ALDH7A1: variants seen among roughly 807,000 people sequenced by gnomAD.
ALDH7A1 encodes alpha-aminoadipic semialdehyde dehydrogenase.
In ALDH7A1, 63 loss-of-function variants were observed where a neutral mutation model predicts 79.9. That is an observed-to-expected ratio of 0.79 (90% CI 0.64 to 0.97). ALDH7A1 has a LOEUF of 0.97. Ranked by LOEUF, ALDH7A1 falls within the 50% of genes least tolerant of loss-of-function variation. ALDH7A1 has a pLI of 0.00. For missense variants in ALDH7A1, 627 were observed against 665.2 expected (o/e 0.94, Z 0.63); for synonymous variants, 240 against 231.2 (o/e 1.04, Z -0.34).
intron 3 of ALDH7A1, among the ~76,000 whole-genome samples, chr5:126,589,249 C>CGCT (rs1371705966): frequency 6.6e-6 from 1 of 152,048 alleles, no homozygotes; most frequent in Non-Finnish European, 1.5e-5. Context: ...GGTCGGCCTC[C>CGCT]CAGGTTCAAG....
chr5:126,554,592 A>T lies in ALDH7A1; in HGVS notation c.1094-199T>A, dbSNP rs1750118139. The T allele has an allele frequency of 2.8e-5, 17 of 607,162 alleles. No individual in the cohort carries two copies. The South Asian group carries it at 3.1e-4, about 11-fold the overall frequency. The allele number at this position is 607,162 out of a possible 1,614,324, so 37.6% of individuals were successfully genotyped here. On this transcript the variant is annotated intron_variant, in intron 12 of 17. Coordinates refer to ENST00000409134, the MANE Select transcript of ALDH7A1 (RefSeq NM_001182.5). ...GAGGACATACGTGATCTCCATCCCAATACTCAACTCCGTAATTGTAGTGCA... is the reference window on the plus strand; with the variant it reads ...GAGGACATACGTGATCTCCATCCCATTACTCAACTCCGTAATTGTAGTGCA...
At chr5:126,555,482 CAAA>C (rs762878623) in intron 12 of ALDH7A1, 303 of 75,126 alleles carry the variant, frequency 4.0e-3, no homozygotes, top group South Asian at 0.017. Flanking sequence ...AACTGTGTCT[CAAA>C]AAAAAAAAAA....
chr5:126,547,779 C>T (rs930529360), intron 16 of ALDH7A1, among the ~76,000 whole-genome samples: 8 of 152,236 alleles, frequency 5.3e-5, no homozygotes, highest in African/African-American at 7.2e-5. Flanking sequence ...CGGCCAGGTA[C>T]AGTGGCTCAC....
intron 13 of ALDH7A1, among the ~76,000 whole-genome samples, chr5:126,552,738 T>A (rs1025294467): frequency 6.7e-6 from 1 of 148,210 alleles, no homozygotes; most frequent in African/African-American, 2.5e-5. Context: ...TGTTTTTGAT[T>A]TTTTTTTTTT....
At chr5:126,548,684 CCCAAAG>C (rs1749881701) in intron 16 of ALDH7A1, among the ~76,000 whole-genome samples, 1 of 152,030 alleles carries the variant, frequency 6.6e-6, no homozygotes, top group African/African-American at 2.4e-5. Flanking sequence ...ACCTCTGCCT[CCCAAAG>C]TGCCAGGATT....
chr5:126,562,982 A>G lies in ALDH7A1; in HGVS notation c.872-1858T>C, dbSNP rs932275137. On this transcript the variant is annotated intron_variant, in intron 9 of 17. Coordinates refer to ENST00000409134, the MANE Select transcript of ALDH7A1 (RefSeq NM_001182.5). ...AAGGGTGGCTACCAAGGCTGGGTGTAGTGGGAAGGAGGGATTAGTGTTTAT... is the reference window on the plus strand; with the variant it reads ...AAGGGTGGCTACCAAGGCTGGGTGTGGTGGGAAGGAGGGATTAGTGTTTAT... 2.0e-5 allele frequency among the ~76,000 whole-genome samples: 3 copies of G among 152,358 alleles called. 1 individual carries two copies. The South Asian group carries it at 6.2e-4, about 32-fold the overall frequency.
intron 10 of ALDH7A1, among the ~76,000 whole-genome samples, chr5:126,559,828 G>A (rs1750340865): frequency 6.6e-6 from 1 of 151,974 alleles, no homozygotes; most frequent in Non-Finnish European, 1.5e-5. Context: ...AGGGGGAAAG[G>A]CACACTCTTC....
chr5:126,554,166 A>G lies in ALDH7A1; in HGVS notation c.1200+121T>C, dbSNP rs893919528. 3 of 742,936 alleles carry G rather than the reference A, an allele frequency of 4.0e-6. No homozygotes were observed. The African/African-American group carries it at 5.4e-5, about 13-fold the overall frequency. The allele number at this position is 742,936 out of a possible 1,614,324, so 46.0% of individuals were successfully genotyped here. A position where few individuals can be genotyped will look rare whatever the true frequency, so the allele number is the denominator to read the frequency against. Reference sequence around the variant, plus strand: ...TTGTTTTATAATAATATATATAAATAAAGACAGGAGAAGAAGGATGTCAAA... The same window carrying G: ...TTGTTTTATAATAATATATATAAATGAAGACAGGAGAAGAAGGATGTCAAA... On this transcript the variant is annotated intron_variant, in intron 13 of 17. Transcript: ENST00000409134.
At position 126,582,849 on chromosome 5, in the gene ALDH7A1, A is replaced by T. The variant is rs1735393136; in HGVS notation, c.517+2T>A. 6.2e-7 allele frequency: 1 copy of T among 1,612,074 alleles called. No homozygotes were observed. The highest frequency in any genetic ancestry group is 1.1e-5 in the South Asian group (1 of 91,004). Reference sequence around the variant, plus strand: ...CTCAGCTTAACTAATTTCATTGCTTACTTTCAGAAGGCAAGATAGGTCCTC... The same window carrying T: ...CTCAGCTTAACTAATTTCATTGCTTTCTTTCAGAAGGCAAGATAGGTCCTC... On this transcript the variant is annotated splice_donor_variant, in intron 5 of 17. Transcript: ENST00000409134. LOFTEE classifies it high-confidence loss of function.
intron 11 of ALDH7A1, among the ~76,000 whole-genome samples, chr5:126,556,613 C>T (rs1750203751): frequency 6.6e-6 from 1 of 152,084 alleles, no homozygotes; most frequent in African/African-American, 2.4e-5. Flanking sequence ...TTAAAGAAGG[C>T]CTCAAGTACA....
At chr5:126,558,462 A>G (rs1049474724) in intron 11 of ALDH7A1, among the ~76,000 whole-genome samples, 1 of 152,204 alleles carries the variant, frequency 6.6e-6, no homozygotes, top group Non-Finnish European at 1.5e-5. Context: ...TTTTCAATGA[A>G]TCATGTCATT....
At chr5:126,566,690 A>T (rs1750594203) in intron 9 of ALDH7A1, among the ~76,000 whole-genome samples, 1 of 152,178 alleles carries the variant, frequency 6.6e-6, no homozygotes, top group African/African-American at 2.4e-5. Flanking sequence ...CAGGATCCAT[A>T]TCCATGATCC....
chr5:126,585,554 CTTTGT>C (rs1751332420), intron 3 of ALDH7A1, among the ~76,000 whole-genome samples: 2 of 152,240 alleles, frequency 1.3e-5, no homozygotes, highest in Non-Finnish European at 2.9e-5. Flanking sequence ...CATTCCTACC[CTTTGT>C]TTTATCTATT....
chr5:126,550,728 C>A (rs1220236949), intron 14 of ALDH7A1, among the ~76,000 whole-genome samples: 1 of 152,220 alleles, frequency 6.6e-6, no homozygotes, highest in African/African-American at 2.4e-5. Context: ...TCATAATGTA[C>A]ACAAACACAT....
At chr5:126,580,416 GA>G (rs1345445559) in intron 5 of ALDH7A1, among the ~76,000 whole-genome samples, 2 of 151,794 alleles carry the variant, frequency 1.3e-5, no homozygotes, top group African/African-American at 2.4e-5. Context: ...TTCTTAGCTA[GA>G]AAAAAACTCT....
Position 126,546,621 on chromosome 5 carries a change from T to G in ALDH7A1, c.1490-222A>C, listed in dbSNP as rs577681487. On this transcript the variant is annotated intron_variant, in intron 16 of 17. Transcript: ENST00000409134. ...AAGAGGGAAAATAAAATATAAGGAATTAAGAAGAAATGGAAACAGAAAGAA... is the reference window on the plus strand; with the variant it reads ...AAGAGGGAAAATAAAATATAAGGAAGTAAGAAGAAATGGAAACAGAAAGAA... 4.3e-4 allele frequency among the ~76,000 whole-genome samples: 63 copies of G among 145,652 alleles called. No homozygotes were observed. The South Asian group carries it at 5.5e-3, about 13-fold the overall frequency.
chr5:126,582,306 A>C (rs1751204953), intron 5 of ALDH7A1, among the ~76,000 whole-genome samples: 2 of 152,240 alleles, frequency 1.3e-5, no homozygotes, highest in African/African-American at 2.4e-5. Flanking sequence ...TCTTCAAAAA[A>C]AATTAACATT....
At chr5:126,570,730 TTGGTCAACC>T in intron 8 of ALDH7A1, 43 bp downstream of exon 8, 1 of 1,529,758 alleles carries the variant, frequency 6.5e-7, no homozygotes, top group Non-Finnish European at 9.1e-7. Flanking sequence ...ATGATTCTAG[TTGGTCAACC>T]TGGGGTCCTT....
In ALDH7A1 at chr5:126,592,693, C is replaced by T. The variant is rs551163406; in HGVS notation, c.283G>A (p.Ala95Thr). The part of the protein sequence containing the change: ...VADYEETVKK[A>T]REAWKIWADI... The stretch of plus-strand genomic sequence containing the variant: ...GCCCAGATTTTCCATGCTTCTCTTG[C>T]TTTCTTTACAGTTTCTTCATAGTCT... The change falls in exon 3 of 18, where the codon GCA (alanine) becomes ACA (threonine). Residue 95 changes from alanine (A) to threonine (T), a missense_variant. Transcript: ENST00000409134. 2.9e-5 allele frequency: 47 copies of T among 1,613,974 alleles called. No individual in the cohort carries two copies. The highest frequency in any genetic ancestry group is 3.8e-5 in the Non-Finnish European group (45 of 1,180,014).
Sources: gnomAD v4.1 joint callset for allele counts (sites outside exome capture counted in the v4.1 genomes callset) on GRCh38, gnomAD v4.1.1 for gene constraint, MANE v1.5 for transcripts, NCBI Gene and HGNC (gene_info 2026-07-23, HGNC 2026-07-21) for gene names.